Variants in GANAB observed in about 807,000 individuals in gnomAD.
GANAB encodes the protein neutral alpha-glucosidase AB.
GANAB carries 35 observed loss-of-function variants against 129.9 expected under a neutral mutation model. The observed-to-expected ratio is 0.27, with a 90% CI of 0.21 to 0.36. The LOEUF is 0.36. Ranked by LOEUF, GANAB falls within the 10% of genes least tolerant of loss-of-function variation. GANAB has a pLI of 1.00. For synonymous variants in GANAB, 482 were observed against 451.8 expected (o/e 1.07, Z -0.85); for missense variants, 939 against 1,221.0 (o/e 0.77, Z 3.44).
At chr11:62,637,434 G>T (rs759853806) in intron 4 of GANAB, among the ~76,000 whole-genome samples, 3 of 151,978 alleles carry the variant, frequency 2.0e-5, no homozygotes, top group Non-Finnish European at 4.4e-5. Flanking sequence ...ATCACTGGTG[G>T]AAGTGTAAAT....
At chr11:62,641,649 C>T (rs57649265) in intron 1 of GANAB, among the ~76,000 whole-genome samples, 1 of 152,040 alleles carries the variant, frequency 6.6e-6, no homozygotes, top group Non-Finnish European at 1.5e-5. Flanking sequence ...GGCATGATCT[C>T]AGCTCACTGT....
intron 1 of GANAB, among the ~76,000 whole-genome samples, chr11:62,645,919 T>C (rs890539971): frequency 3.1e-4 from 47 of 152,250 alleles, no homozygotes; most frequent in East Asian, 9.7e-4. Context: ...TCTTTTTTTT[T>C]CCCCAGTAAT....
chr11:62,640,338 C>A (rs1244016087), intron 1 of GANAB, among the ~76,000 whole-genome samples: 1 of 145,004 alleles, frequency 6.9e-6, no homozygotes, highest in Non-Finnish European at 1.5e-5. Flanking sequence ...TCGAGACCAT[C>A]CTGGCTAACA....
chr11:62,626,694 G>C lies in GANAB; in HGVS notation c.2398-10C>G. 6.4e-7 allele frequency: 1 copy of C among 1,566,108 alleles called. No homozygotes were observed. Among genetic ancestry groups the C allele is most frequent in the Non-Finnish European group, 8.7e-7 (1 of 1,143,298 alleles). On this transcript the variant is annotated splice_polypyrimidine_tract_variant and intron_variant, in intron 20 of 23. Transcript: ENST00000356638. ...GCTGGAACACAGGGATCTAGGGCAA[G>C]AGCAATGCCAGGATGAAGTTGCCCC...
intron 5 of GANAB, chr11:62,634,562 A>G (rs1168715547): frequency 1.1e-5 from 7 of 620,556 alleles, no homozygotes; most frequent in Admixed American, 2.8e-5. Flanking sequence ...GAAGGGGAAG[A>G]AGGAGACACA....
intron 4 of GANAB, among the ~76,000 whole-genome samples, chr11:62,637,017 C>CTGATA: frequency 6.6e-6 from 1 of 151,972 alleles, no homozygotes; most frequent in Non-Finnish European, 1.5e-5. Context: ...AGGTAAAAGA[C>CTGATA]TGATACATCT....
chr11:62,627,419 C>T, intron 17 of GANAB, 66 bp from the exon 18 acceptor site: 1 of 842,762 alleles, frequency 1.2e-6, no homozygotes. Context: ...AATGCTCCTC[C>T]AGGAACTGGC....
chr11:62,639,322 C>G (rs769496031), intron 3 of GANAB, 37 bp downstream of exon 3: 3 of 1,395,660 alleles, frequency 2.1e-6, no homozygotes, highest in Non-Finnish European at 1.0e-6. Context: ...ACAGCCATTG[C>G]CCCACCCCCA....
At chr11:62,630,979 A>C in intron 10 of GANAB, 51 bp downstream of exon 10, 1 of 1,566,342 alleles carries the variant, frequency 6.4e-7, no homozygotes, top group Non-Finnish European at 8.7e-7. Context: ...AAACACATAG[A>C]ATCACCCGAC....
intron 17 of GANAB, among the ~76,000 whole-genome samples, chr11:62,627,825 T>C (rs945474033): frequency 1.3e-5 from 2 of 152,238 alleles, no homozygotes; most frequent in Non-Finnish European, 2.9e-5. Flanking sequence ...GTCTCAGTTA[T>C]ACAATCCAGT....
At position 62,629,308 on chromosome 11, in the gene GANAB, A is replaced by G. The variant is rs955661583; in HGVS notation, c.1835-13T>C. ...GTCCACACGGCTCCTGAGGAAGACA[A>G]GAAGTGGGGAGCTTGCACATGGTAA... On this transcript the variant is annotated splice_polypyrimidine_tract_variant and intron_variant, in intron 15 of 23. Transcript: ENST00000356638. The G allele has an allele frequency of 1.3e-6, 2 of 1,557,236 alleles. No individual in the cohort carries two copies. The highest frequency in any genetic ancestry group is 1.8e-6 in the Non-Finnish European group (2 of 1,128,074).
Position 62,639,438 on chromosome 11 carries a change from G to A in GANAB, c.173C>T (p.Ser58Phe). 4.3e-6 allele frequency: 7 copies of A among 1,613,810 alleles called. No individual in the cohort carries two copies. The highest frequency in any genetic ancestry group is 1.1e-5 in the South Asian group (1 of 91,070). ...AGAGTCCAGCAAGGCTCGGTATGGA[G>A]AGAGGCCTGGCCGTATGCTTCTCTG... is the stretch of plus-strand genomic sequence containing the variant. Reference protein sequence around the residue: ...KRQRSIRPGLSPYRALLDSLQ... With the variant: ...KRQRSIRPGLFPYRALLDSLQ... The change falls in exon 3 of 24, where the codon TCT (serine) becomes TTT (phenylalanine). Residue 58 changes from serine to phenylalanine, a missense_variant. This residue lies in a region of GANAB where 321 missense variants were observed against 329.1 expected (regional missense o/e 0.98). Transcript: ENST00000356638.
chr11:62,641,252 G>C (rs1161141659), intron 1 of GANAB, among the ~76,000 whole-genome samples: 1 of 150,856 alleles, frequency 6.6e-6, no homozygotes, highest in Non-Finnish European at 1.5e-5. Flanking sequence ...GCTGAGGCAT[G>C]AGAATCGCTT....
chr11:62,628,953 T>C lies in GANAB; in HGVS notation c.1996A>G (p.Met666Val). Reference protein sequence around the residue: ...EPELLVRWYQMGAYQPFFRAH... With the variant: ...EPELLVRWYQVGAYQPFFRAH... ...CGGAAGAATGGCTGGTAAGCACCCA[T>C]CTGGTACCAGCGCACAAGCAGCTCT... The change falls in exon 17 of 24, where the codon ATG becomes GTG. Residue 666 changes from methionine (M) to valine (V), a missense_variant. Coordinates refer to ENST00000356638, the MANE Select transcript of GANAB (RefSeq NM_198334.3). 6.2e-7 allele frequency: 1 copy of C among 1,613,846 alleles called. No homozygotes were observed. The highest frequency in any genetic ancestry group is 8.5e-7 in the Non-Finnish European group (1 of 1,179,818).
At chr11:62,638,002 G>A (rs371313153) in intron 4 of GANAB, among the ~76,000 whole-genome samples, 3 of 152,054 alleles carry the variant, frequency 2.0e-5, no homozygotes, top group Non-Finnish European at 4.4e-5. Flanking sequence ...TATTGCTTAG[G>A]CACACAGACA....
chr11:62,627,170 G>C (rs751740452), intron 18 of GANAB, 46 bp from the exon 19 acceptor site: 1 of 1,529,876 alleles, frequency 6.5e-7, no homozygotes, highest in South Asian at 1.1e-5. Flanking sequence ...TTAGTTCCCA[G>C]AACAGGGAAC....
intron 5 of GANAB, chr11:62,634,066 C>A (rs530747432): frequency 3.6e-4 from 174 of 479,516 alleles, no homozygotes; most frequent in Middle Eastern, 2.3e-3. Flanking sequence ...GGCAGCATCT[C>A]TCCATCCCCT....
Position 62,628,773 on chromosome 11 carries a change from T to C in GANAB, c.2176A>G (p.Met726Val), listed in dbSNP as rs931087602. ...YQAHREGIPV[M>V]RPLWVQYPQD... Reference sequence around the variant, plus strand: ...CAGCCCAAGTGAATGCCTCACCTCATGACAGGAATGCCTTCCCGATGGGCC... The same window carrying C: ...CAGCCCAAGTGAATGCCTCACCTCACGACAGGAATGCCTTCCCGATGGGCC... Residue 726 changes from methionine to valine, a missense_variant, in exon 17 of 24, where the codon ATG (methionine) becomes GTG (valine). Around this residue, in one of 5 missense-constraint regions of GANAB, gnomAD observed 147 missense variants for 282.4 expected, o/e 0.52. Transcript: ENST00000356638. 4 of 1,613,392 alleles carry C rather than the reference T, an allele frequency of 2.5e-6. No individual in the cohort carries two copies. In the African/African-American group the frequency reaches 5.3e-5, roughly 22 times the overall value.
Position 62,639,695 on chromosome 11 carries a change from G to C in GANAB, c.75C>G (p.Val25=), listed in dbSNP as rs113618920. The change falls in exon 2 of 24, where the codon GTC becomes GTG. Residue 25 remains valine (V), a synonymous_variant. Coordinates refer to ENST00000356638, the MANE Select transcript of GANAB (RefSeq NM_198334.3). ...CCACAGCAAGGGTAATCCCCAGGCA[G>C]ACCCCTAAAAAAGCCAGTACCAAAG... The part of the protein sequence containing the change: ...WASLVLAFLG[V]CLGITLAVDR... 2.4e-3 allele frequency: 3,946 copies of C among 1,613,892 alleles called. 89 individuals carry two copies. The African/African-American group carries it at 0.048, about 19-fold the overall frequency.
Sources: gnomAD v4.1 joint callset for allele counts (sites outside exome capture counted in the v4.1 genomes callset) on GRCh38, gnomAD v4.1.1 for gene constraint, gnomAD v4.1.1 regional missense constraint, MANE v1.5 for transcripts, NCBI Gene and HGNC (gene_info 2026-07-23, HGNC 2026-07-21) for gene names.